Variants in METTL21A observed in about 807,000 individuals in gnomAD.
The protein encoded by METTL21A is protein N-lysine methyltransferase METTL21A.
Under a neutral mutation model 20.9 loss-of-function variants are expected in METTL21A, and 22 were observed. The ratio of observed to expected loss-of-function variants is 1.05; its 90% CI spans 0.75 to 1.50. The LOEUF (loss-of-function observed/expected upper bound fraction) is 1.50, where lower values mean the gene tolerates loss of function less well. Ranked by LOEUF, METTL21A falls within the 40% of genes most tolerant of loss-of-function variation. The pLI, the probability that METTL21A is intolerant of heterozygous loss-of-function variation, is 0.00. For missense variants in METTL21A, 271 were observed against 266.8 expected (o/e 1.02, Z -0.11); for synonymous variants, 93 against 102.0 (o/e 0.91, Z 0.53).
intron 3 of METTL21A, chr2:207,620,864 T>C: frequency 1.8e-6 from 1 of 558,418 alleles, no homozygotes; most frequent in Non-Finnish European, 3.1e-6. Flanking sequence ...GGGCTTTAGC[T>C]GGTCCTCAAA....
chr2:207,621,041 C>A (rs2090418923), intron 3 of METTL21A, among the ~76,000 whole-genome samples: 1 of 152,154 alleles, frequency 6.6e-6, no homozygotes, highest in Non-Finnish European at 1.5e-5. Flanking sequence ...TCAGAATCTG[C>A]ATTTTAACAA....
chr2:207,625,019 C>T (rs1302443950), intron 1 of METTL21A, 43 bp downstream of exon 1: 4 of 152,310 alleles, frequency 2.6e-5, no homozygotes, highest in Non-Finnish European at 5.9e-5. Flanking sequence ...AGCGGGGACT[C>T]GGAGGCCTCC....
At position 207,615,912 on chromosome 2, in the gene METTL21A, G is replaced by GT. The variant is rs779297058; in HGVS notation, c.260-2470dup. 7.5e-3 allele frequency among the ~76,000 whole-genome samples: 1,103 copies of GT among 147,572 alleles called. 7 individuals carry two copies. Among genetic ancestry groups the GT allele is most frequent in the Admixed American group, 0.011 (168 of 14,788 alleles). On this transcript the variant is annotated intron_variant, in intron 3 of 3. Coordinates refer to ENST00000406927, the Ensembl canonical transcript of METTL21A. Reference sequence around the variant, plus strand: ...TAGCCAATGTCTCTCTTCTATGATTGTTTTTTTTTTCCCAAACATACAGAG... The same window carrying GT: ...TAGCCAATGTCTCTCTTCTATGATTGTTTTTTTTTTTCCCAAACATACAGAG...
intron 3 of METTL21A, chr2:207,602,300 G>T: frequency 5.2e-6 from 1 of 194,154 alleles, no homozygotes; most frequent in Non-Finnish European, 1.1e-5. Flanking sequence ...TTATAAACAG[G>T]CAGTTTTAGC....
At chr2:207,621,837 C>G in exon 3 of METTL21A, 2 of 1,614,206 alleles carry the variant, frequency 1.2e-6, no homozygotes, top group Non-Finnish European at 1.7e-6. Flanking sequence ...CCACCAGCCC[C>G]GTGCCAGCAC....
downstream of METTL21A, among the ~76,000 whole-genome samples, chr2:207,605,984 A>G (rs975074976): frequency 1.5e-4 from 23 of 152,236 alleles, no homozygotes; most frequent in African/African-American, 5.1e-4. Flanking sequence ...TAGAAGTGGC[A>G]CAGACTTTCA....
chr2:207,593,260 T>C (rs1169290605), intron 3 of METTL21A, among the ~76,000 whole-genome samples: 1 of 152,134 alleles, frequency 6.6e-6, no homozygotes, highest in Non-Finnish European at 1.5e-5. Flanking sequence ...GTGCGGTGGC[T>C]CATGCCTGTA....
At chr2:207,624,037 T>C (rs1048560322) in intron 2 of METTL21A, among the ~76,000 whole-genome samples, 192 bp downstream of exon 2, 1 of 152,134 alleles carries the variant, frequency 6.6e-6, no homozygotes, top group Non-Finnish European at 1.5e-5. Context: ...ACTTTTAAAA[T>C]TGAAGCGGTA....
chr2:207,624,211 C>T lies in METTL21A; in HGVS notation c.147+18G>A. 1 of 1,570,754 alleles carries T rather than the reference C, an allele frequency of 6.4e-7. No homozygotes were observed. Among genetic ancestry groups the T allele is most frequent in the South Asian group, 1.2e-5 (1 of 85,004 alleles). ...TGCAAGTGTGAACGTTTTCAGAGGT[C>T]CCCCAGGGCTTACTTACCGCATCCC... is the stretch of plus-strand genomic sequence containing the variant. On this transcript the variant is annotated intron_variant, in intron 2 of 3. Transcript: ENST00000406927.
chr2:207,608,597 A>G (rs1275311259), downstream of METTL21A, among the ~76,000 whole-genome samples: 1 of 152,160 alleles, frequency 6.6e-6, no homozygotes, highest in Non-Finnish European at 1.5e-5. Flanking sequence ...ACCCTGCCCC[A>G]TCCACGTTAA....
intron 3 of METTL21A, among the ~76,000 whole-genome samples, chr2:207,603,861 T>C (rs2087575780): frequency 1.3e-5 from 2 of 152,218 alleles, no homozygotes; most frequent in South Asian, 4.1e-4. Flanking sequence ...ATAAAAAAGT[T>C]ATCTCCTATA....
At chr2:207,604,478 A>T (rs1231740711), downstream of METTL21A, among the ~76,000 whole-genome samples, 1 of 59,960 alleles carries the variant, frequency 1.7e-5, no homozygotes, top group Non-Finnish European at 3.2e-5. Flanking sequence ...TGTGCGTCCT[A>T]ATTTCTCCAC....
chr2:207,596,314 T>A (rs1351019735), intron 3 of METTL21A, among the ~76,000 whole-genome samples: 3 of 152,236 alleles, frequency 2.0e-5, no homozygotes, highest in Non-Finnish European at 4.4e-5. Flanking sequence ...TTTAATGTTT[T>A]CTTAGTTATT....
chr2:207,604,038 T>C (rs2087609326), intron 3 of METTL21A, among the ~76,000 whole-genome samples: 1 of 152,192 alleles, frequency 6.6e-6, no homozygotes, highest in Non-Finnish European at 1.5e-5. Flanking sequence ...TTACAGAATT[T>C]ATTGCACAAA....
chr2:207,600,363 C>G (rs1178662662), intron 3 of METTL21A: 6 of 186,486 alleles, frequency 3.2e-5, no homozygotes, highest in South Asian at 2.0e-4. Flanking sequence ...TTTGTGTGTT[C>G]TGTTGCATTC....
chr2:207,593,471 A>G (rs779543754), intron 3 of METTL21A, among the ~76,000 whole-genome samples: 25 of 152,206 alleles, frequency 1.6e-4, no homozygotes, highest in Non-Finnish European at 3.1e-4. Flanking sequence ...TCAAGGCTGC[A>G]GTGAGCCCTC....
In METTL21A at chr2:207,620,940, G is replaced by A. The variant is rs77835595; in HGVS notation, c.259+866C>T. On this transcript the variant is annotated intron_variant, in intron 3 of 3. Coordinates refer to ENST00000406927, the Ensembl canonical transcript of METTL21A. Reference sequence around the variant, plus strand: ...CCTGGATCCTTCCTACCCAAGTGTAGTCTGAGAACCAGCAGTGTCGGCATC... The same window carrying A: ...CCTGGATCCTTCCTACCCAAGTGTAATCTGAGAACCAGCAGTGTCGGCATC... The A allele has an allele frequency of 8.2e-3, 2,963 of 362,618 alleles. 151 individuals carry two copies. The highest frequency in any genetic ancestry group is 0.08 in the South Asian group (1,173 of 14,718). 22.5% of individuals were successfully genotyped at this position (362,618 alleles called of 1,614,324 possible).
At chr2:207,614,469 G>C (rs1486018580) in intron 3 of METTL21A, among the ~76,000 whole-genome samples, 2 of 152,028 alleles carry the variant, frequency 1.3e-5, no homozygotes, top group Non-Finnish European at 2.9e-5. Flanking sequence ...TAAGGTTACA[G>C]TTTAAAAAAG....
At chr2:207,624,179 C>T (rs1422558732) in intron 2 of METTL21A, 50 bp downstream of exon 2, 1 of 1,521,794 alleles carries the variant, frequency 6.6e-7, no homozygotes, top group African/African-American at 1.4e-5. Context: ...AAAATAAAAG[C>T]CAGTCTTGCA....
Sources: allele counts gnomAD v4.1 joint callset (sites outside exome capture counted in the v4.1 genomes callset), GRCh38; gene constraint gnomAD v4.1.1; transcripts MANE v1.5; gene names NCBI Gene and HGNC (gene_info 2026-07-23, HGNC 2026-07-21).